The following RFX7 variants were observed in gnomAD, a reference collection of about 807,000 sequenced individuals.
RFX7 encodes regulatory factor X7.
A neutral mutation model predicts 111.8 loss-of-function variants in RFX7; 26 were observed. The ratio of observed to expected loss-of-function variants is 0.23; its 90% CI spans 0.17 to 0.32. RFX7 has a LOEUF of 0.32. RFX7 is among the 10% of genes least tolerant of loss of function. The pLI, the probability that RFX7 is intolerant of heterozygous loss-of-function variation, is 1.00. For missense variants in RFX7, 1,573 were observed against 1,772.9 expected (o/e 0.89, Z 2.02); for synonymous variants, 624 against 624.4 (o/e 1.00, Z 0.01).
At chr15:56,106,584 T>C (rs1169182933) in intron 5 of RFX7, among the ~76,000 whole-genome samples, 1 of 152,202 alleles carries the variant, frequency 6.6e-6, no homozygotes, top group Non-Finnish European at 1.5e-5. Context: ...ATGGTCATAC[T>C]CTTAAATGAT....
At chr15:56,204,230 GCTGGTCTCGAACTC>G (rs1271344017) in intron 2 of RFX7, among the ~76,000 whole-genome samples, 1 of 151,944 alleles carries the variant, frequency 6.6e-6, no homozygotes, top group Non-Finnish European at 1.5e-5. Flanking sequence ...TGTTGCCTAG[GCTGGTCTCGAACTC>G]CTGGCCTCAA....
At chr15:56,228,305 C>T (rs1334073517) in intron 2 of RFX7, among the ~76,000 whole-genome samples, 4 of 152,000 alleles carry the variant, frequency 2.6e-5, no homozygotes, top group African/African-American at 9.7e-5. Context: ...TTCTTTCTTC[C>T]ACTTCTGATA....
chr15:56,172,480 G>C (rs56274791), intron 3 of RFX7, among the ~76,000 whole-genome samples: 44,712 of 152,038 alleles, frequency 0.29, 7,617 homozygotes, highest in Middle Eastern at 0.47. Context: ...ATCATAACAT[G>C]AATTCTGAGA....
At chr15:56,192,309 C>A in intron 2 of RFX7, 1 of 207,162 alleles carries the variant, frequency 4.8e-6, no homozygotes. Context: ...CTGGTAAGCG[C>A]TCACAGGGAT....
intron 5 of RFX7, among the ~76,000 whole-genome samples, chr15:56,109,256 C>T (rs2041875334): frequency 6.6e-6 from 1 of 152,362 alleles, no homozygotes; most frequent in Admixed American, 6.5e-5. Flanking sequence ...CTGTGTTGGC[C>T]AGGCTGGTCT....
intron 2 of RFX7, among the ~76,000 whole-genome samples, chr15:56,203,484 G>C (rs1022874145): frequency 6.6e-6 from 1 of 152,144 alleles, no homozygotes; most frequent in African/African-American, 2.4e-5. Context: ...GTGTGAACCA[G>C]AGCAACTCCA....
intron 3 of RFX7, among the ~76,000 whole-genome samples, chr15:56,171,348 T>A (rs372035543): frequency 7.9e-5 from 12 of 152,238 alleles, no homozygotes; most frequent in African/African-American, 2.9e-4. Flanking sequence ...ATCAAGGACC[T>A]TAAGATGGGG....
upstream of RFX7, chr15:56,243,986 G>A (rs2043770295): frequency 2.0e-5 from 3 of 150,264 alleles, no homozygotes; most frequent in South Asian, 6.2e-4. Flanking sequence ...GGCGCACGGC[G>A]CGGAGGGCGG....
chr15:56,194,377 T>C (rs1270089252), intron 2 of RFX7, among the ~76,000 whole-genome samples: 1 of 152,108 alleles, frequency 6.6e-6, no homozygotes, highest in Middle Eastern at 3.2e-3. Flanking sequence ...GGAGGTATAC[T>C]ATAATAGATC....
At chr15:56,099,218 A>G (rs1197725525) in intron 8 of RFX7, among the ~76,000 whole-genome samples, 1 of 152,154 alleles carries the variant, frequency 6.6e-6, no homozygotes, top group African/African-American at 2.4e-5. Flanking sequence ...GAGAGGAACA[A>G]CTATCCTGCT....
intron 3 of RFX7, among the ~76,000 whole-genome samples, chr15:56,169,419 A>G (rs2042818065): frequency 1.3e-5 from 2 of 152,254 alleles, no homozygotes; most frequent in Non-Finnish European, 2.9e-5. Flanking sequence ...ATTTATGGAA[A>G]TTAAGTCACT....
At chr15:56,185,745 T>C (rs1456148289) in intron 2 of RFX7, among the ~76,000 whole-genome samples, 1 of 152,190 alleles carries the variant, frequency 6.6e-6, no homozygotes, top group Non-Finnish European at 1.5e-5. Flanking sequence ...TTTTTACTAC[T>C]GATGAGAAGT....
At chr15:56,170,157 C>G (rs1452481714) in intron 3 of RFX7, among the ~76,000 whole-genome samples, 1 of 152,004 alleles carries the variant, frequency 6.6e-6, no homozygotes, top group Non-Finnish European at 1.5e-5. Flanking sequence ...TGGGTATATT[C>G]CAATGCATAT....
intron 3 of RFX7, among the ~76,000 whole-genome samples, chr15:56,146,272 A>T (rs991190356): frequency 2.0e-5 from 3 of 151,890 alleles, no homozygotes; most frequent in Non-Finnish European, 4.4e-5. Flanking sequence ...TAATTTTTTA[A>T]TTTATTTTTT....
chr15:56,091,926 C>G lies in RFX7; in HGVS notation c.*1419G>C, dbSNP rs1270775130. 3 of 152,260 alleles carry G rather than the reference C, an allele frequency of 2.0e-5. No homozygotes were observed. Among genetic ancestry groups the G allele is most frequent in the African/African-American group, 4.8e-5 (2 of 41,412 alleles). 9.4% of individuals were successfully genotyped at this position (152,260 alleles called of 1,614,324 possible). A position where few individuals can be genotyped will look rare whatever the true frequency, so the allele number is the denominator to read the frequency against. On this transcript the variant is annotated 3_prime_UTR_variant, in exon 10 of 10. Coordinates refer to ENST00000559447, the MANE Select transcript of RFX7 (RefSeq NM_022841.7). Reference sequence around the variant, plus strand: ...CTTACTAAGGTAAAGGAAAGCTTAGCTAGGTTCAAGGTAGCATAGCAAATG... The same window carrying G: ...CTTACTAAGGTAAAGGAAAGCTTAGGTAGGTTCAAGGTAGCATAGCAAATG...
At chr15:56,174,831 C>T (rs796889438) in intron 3 of RFX7, among the ~76,000 whole-genome samples, 1 of 151,996 alleles carries the variant, frequency 6.6e-6, no homozygotes, top group Non-Finnish European at 1.5e-5. Flanking sequence ...CATGTTTAAC[C>T]TGATGAAGAG....
intron 5 of RFX7, among the ~76,000 whole-genome samples, chr15:56,112,378 T>TAAAAAAAAAAAA (rs1567012402): frequency 2.6e-4 from 1 of 3,820 alleles, no homozygotes; most frequent in Non-Finnish European, 5.8e-4. Flanking sequence ...AGAGTACAAA[T>TAAAAAAAAAAAA]CAAAAAAAAA....
chr15:56,125,483 G>T (rs1422560654), intron 5 of RFX7, among the ~76,000 whole-genome samples: 1 of 151,964 alleles, frequency 6.6e-6, no homozygotes, highest in Non-Finnish European at 1.5e-5. Flanking sequence ...TGATCTATGA[G>T]CATGGGATGT....
chr15:56,217,336 T>C (rs897802648), intron 2 of RFX7, among the ~76,000 whole-genome samples: 3 of 152,180 alleles, frequency 2.0e-5, no homozygotes, highest in Non-Finnish European at 4.4e-5. Context: ...TTTTCCCTAA[T>C]TATCTCAAGA....
Sources: gnomAD v4.1 joint callset for allele counts (sites outside exome capture counted in the v4.1 genomes callset) on GRCh38, gnomAD v4.1.1 for gene constraint, MANE v1.5 for transcripts, NCBI Gene and HGNC (gene_info 2026-07-23, HGNC 2026-07-21) for gene names.